The following NYX variants were observed in gnomAD, a reference collection of about 807,000 sequenced individuals.
The protein encoded by NYX is nyctalopin.
For synonymous variants in NYX, 258 were observed against 245.7 expected (o/e 1.05, Z -0.47); for missense variants, 481 against 485.4 (o/e 0.99, Z 0.09).
intron 2 of NYX, among the ~76,000 whole-genome samples, chrX:41,452,271 G>A (rs1270180819): frequency 8.9e-6 from 1 of 111,779 alleles, no homozygotes; most frequent in Non-Finnish European, 1.9e-5. Flanking sequence ...TCTAAGTCTT[G>A]ATTGGGGTGG....
intron 2 of NYX, among the ~76,000 whole-genome samples, chrX:41,448,181 C>G (rs1174832814): frequency 8.9e-6 from 1 of 111,743 alleles, no homozygotes; most frequent in East Asian, 2.8e-4. Flanking sequence ...TTTTCTTATT[C>G]TAATTTCAGA....
At chrX:41,471,381 G>A (rs1171437151) in intron 2 of NYX, among the ~76,000 whole-genome samples, 4 of 110,653 alleles carry the variant, frequency 3.6e-5, no homozygotes, top group Non-Finnish European at 7.5e-5. Context: ...CGAAGTGTTG[G>A]GATTACAGGC....
Position 41,447,994 on chromosome X carries a change from A to G in NYX, c.22+68A>G, listed in dbSNP as rs953194256. The G allele has an allele frequency of 8.2e-6, 9 of 1,093,217 alleles. No individual in the cohort carries two copies. The African/African-American group carries it at 1.5e-4, about 18-fold the overall frequency. The allele number at this position is 1,093,217 out of a possible 1,213,427, so 90.1% of individuals were successfully genotyped here. A position where few individuals can be genotyped will look rare whatever the true frequency, so the allele number is the denominator to read the frequency against. Reference sequence around the variant, plus strand: ...TGGAAGCCACAGAGCTTCTGCCCAAAGAGTCTTTAAAGTGGCTTCTGGGAC... The same window carrying G: ...TGGAAGCCACAGAGCTTCTGCCCAAGGAGTCTTTAAAGTGGCTTCTGGGAC... On this transcript the variant is annotated intron_variant, in intron 2 of 2. Transcript: ENST00000378220.
chrX:41,471,126 G>C (rs776346889), intron 2 of NYX, among the ~76,000 whole-genome samples: 15 of 111,081 alleles, frequency 1.4e-4, no homozygotes, highest in African/African-American at 3.3e-4. Flanking sequence ...TTTTTGGAGG[G>C]GGGGGATGGA....
intron 2 of NYX, among the ~76,000 whole-genome samples, chrX:41,471,829 ATGTATT>A (rs1295006710): frequency 6.4e-5 from 5 of 77,818 alleles, no homozygotes; most frequent in African/African-American, 2.3e-4. Flanking sequence ...ATATATATAT[ATGTATT>A]TTTTTTTTTT....
At chrX:41,448,748 C>T (rs1009268326) in intron 2 of NYX, among the ~76,000 whole-genome samples, 12 of 107,162 alleles carry the variant, frequency 1.1e-4, no homozygotes, top group Non-Finnish European at 2.1e-4. Flanking sequence ...TTAGTAAAGA[C>T]GGGGTTTCGC....
At position 41,475,143 on chromosome X, in the gene NYX, C is replaced by A. The variant is rs367599214; in HGVS notation, c.*244C>A. 1.6e-5 allele frequency: 7 copies of A among 425,334 alleles called. No individual in the cohort carries two copies. Among genetic ancestry groups the A allele is most frequent in the African/African-American group, 1.5e-4 (6 of 40,323 alleles). 35.1% of individuals were successfully genotyped at this position (425,334 alleles called of 1,213,427 possible). A position where few individuals can be genotyped will look rare whatever the true frequency, so the allele number is the denominator to read the frequency against. On this transcript the variant is annotated 3_prime_UTR_variant, in exon 3 of 3. Transcript: ENST00000378220. The stretch of plus-strand genomic sequence containing the variant: ...AGAAGCAAGAATGAACGTGGGCCCT[C>A]GGGTGGGAAGACTAGGAATCGGAAG...
At chrX:41,469,917 A>G (rs185694902) in intron 2 of NYX, among the ~76,000 whole-genome samples, 2 of 111,119 alleles carry the variant, frequency 1.8e-5, no homozygotes, top group Admixed American at 1.9e-4. Context: ...CTGATCCTCC[A>G]TTCAAATGCT....
chrX:41,451,272 A>G (rs1177580031), intron 2 of NYX, among the ~76,000 whole-genome samples: 1 of 112,069 alleles, frequency 8.9e-6, no homozygotes. Flanking sequence ...AGTGAAATAC[A>G]TACTTATCAT....
In NYX at chrX:41,473,943, C is replaced by T; in HGVS notation, c.475C>T (p.Leu159Phe). ...LLAELPALRE[L>F]AAFDNLFRRV... ...GGCCGAACTGCCGGCCCTGCGCGAA[C>T]TCGCCGCCTTCGACAACCTGTTCCG... is the stretch of plus-strand genomic sequence containing the variant. Residue 159 changes from leucine (L) to phenylalanine (F), a missense_variant, in exon 3 of 3, where the codon CTC (leucine) becomes TTC (phenylalanine). Physicochemically the swap from Leu to Phe is conservative, Grantham distance 22 (BLOSUM62 0). Transcript: ENST00000378220. 9.1e-7 allele frequency: 1 copy of T among 1,104,362 alleles called. No homozygotes were observed. The highest frequency in any genetic ancestry group is 1.2e-6 in the Non-Finnish European group (1 of 849,316). 91.0% of individuals were successfully genotyped at this position (1,104,362 alleles called of 1,213,427 possible).
Position 41,474,977 on chromosome X carries a change from G to A in NYX, c.*78G>A. 1 of 948,171 alleles carries A rather than the reference G, an allele frequency of 1.1e-6. No individual in the cohort carries two copies. The highest frequency in any genetic ancestry group is 1.5e-6 in the Non-Finnish European group (1 of 676,030). The allele number at this position is 948,171 out of a possible 1,213,427, so 78.1% of individuals were successfully genotyped here. ...AAGGGGAGAGGAGCCGGAATGGAGG[G>A]CAGAGGTGAAAATCCCAGTGGAGGG... On this transcript the variant is annotated 3_prime_UTR_variant, in exon 3 of 3. Coordinates refer to ENST00000378220, the MANE Select transcript of NYX (RefSeq NM_001378477.3).
In NYX at chrX:41,448,273, C is replaced by T. The variant is rs181591637; in HGVS notation, c.22+347C>T. On this transcript the variant is annotated intron_variant, in intron 2 of 2. Coordinates refer to ENST00000378220, the MANE Select transcript of NYX (RefSeq NM_001378477.3). ...TGTTTTGTTTTTGGAGATGGAGTCT[C>T]GCTCTGTCACCCAGGCTGGAGTACA... Among the ~76,000 whole-genome samples the T allele has an allele frequency of 4.5e-3, 507 of 111,444 alleles. 3 individuals carry two copies. Among genetic ancestry groups the T allele is most frequent in the Non-Finnish European group, 5.1e-3 (270 of 53,037 alleles).
intron 2 of NYX, among the ~76,000 whole-genome samples, chrX:41,460,967 T>A (rs2064317241): frequency 1.2e-5 from 1 of 84,779 alleles, no homozygotes; most frequent in South Asian, 6.2e-4. Flanking sequence ...GTTGCAGGTA[T>A]CAATAGTCAT....
Position 41,472,373 on chromosome X carries a change from G to C in NYX, c.23-1118G>C, listed in dbSNP as rs2064364601. ...GAAGTTGGCCACATCCATGTCGGTG[G>C]CTCCAAAGTGGGTGGCCACACGCAC... is the stretch of plus-strand genomic sequence containing the variant. On this transcript the variant is annotated intron_variant, in intron 2 of 2. Transcript: ENST00000378220. 3 of 1,158,215 alleles carry C rather than the reference G, an allele frequency of 2.6e-6. No individual in the cohort carries two copies. The South Asian group carries it at 5.4e-5, about 21-fold the overall frequency.
At chrX:41,464,859 G>T (rs2064332991) in intron 2 of NYX, among the ~76,000 whole-genome samples, 1 of 110,885 alleles carries the variant, frequency 9.0e-6, no homozygotes, top group African/African-American at 3.3e-5. Flanking sequence ...TTGAGGCTCT[G>T]ATAATTTTTC....
At chrX:41,470,384 A>ATGTAAT (rs1166251679) in intron 2 of NYX, among the ~76,000 whole-genome samples, 1 of 112,110 alleles carries the variant, frequency 8.9e-6, no homozygotes, top group Non-Finnish European at 1.9e-5. Context: ...CCATTGTAAC[A>ATGTAAT]TGTAATCAGT....
intron 2 of NYX, among the ~76,000 whole-genome samples, chrX:41,459,575 T>C (rs3021322): frequency 0.29 from 31,474 of 108,071 alleles, 3,705 homozygotes; most frequent in South Asian, 0.59. Flanking sequence ...GCCGAGATCA[T>C]GCCACTGCAC....
At chrX:41,448,488 C>T (rs1251186135) in intron 2 of NYX, among the ~76,000 whole-genome samples, 2 of 109,036 alleles carry the variant, frequency 1.8e-5, no homozygotes, top group Non-Finnish European at 3.8e-5. Context: ...GTGATCTGCC[C>T]GCCTCGGCCT....
At position 41,474,425 on chromosome X, in the gene NYX, C is replaced by T. The variant is rs1303341110; in HGVS notation, c.957C>T (p.Pro319=). Residue 319 remains proline, a synonymous_variant, in exon 3 of 3, where the codon CCC becomes CCT. Coordinates refer to ENST00000378220, the MANE Select transcript of NYX (RefSeq NM_001378477.3). ...LTVLAWVAFQ[P]GFFLGRLFLF... is the part of the protein sequence containing the mutation. ...TGCTCGCCTGGGTCGCCTTCCAGCCCGGCTTCTTCCTGGGCCGCCTCTTCC... is the reference window on the plus strand; with the variant it reads ...TGCTCGCCTGGGTCGCCTTCCAGCCTGGCTTCTTCCTGGGCCGCCTCTTCC... 4 of 1,208,150 alleles carry T rather than the reference C, an allele frequency of 3.3e-6. No homozygotes were observed. The highest frequency in any genetic ancestry group is 5.9e-5 in the East Asian group (2 of 33,823).
Sources: gnomAD v4.1 joint callset for allele counts (sites outside exome capture counted in the v4.1 genomes callset) on GRCh38, gnomAD v4.1.1 for gene constraint, MANE v1.5 for transcripts, NCBI Gene and HGNC (gene_info 2026-07-23, HGNC 2026-07-21) for gene names.